The following ISM2 variants were observed in gnomAD, a reference collection of about 807,000 sequenced individuals.
ISM2 encodes isthmin 2.
In ISM2, 50 loss-of-function variants were observed where a neutral mutation model predicts 58.0. That is an observed-to-expected ratio of 0.86 (90% CI 0.69 to 1.09). The LOEUF is 1.09. ISM2 is among the 50% of genes least tolerant of loss of function. The pLI is 0.00. For missense variants in ISM2, 723 were observed against 745.0 expected, an observed-to-expected ratio of 0.97 and a Z score of 0.34; for synonymous variants, 303 against 312.4, an observed-to-expected ratio of 0.97 and a Z score of 0.32.
chr14:77,498,365 C>A (rs1169084371), intron 1 of ISM2: 1 of 1,394,346 alleles, frequency 7.2e-7, no homozygotes, highest in South Asian at 1.3e-5. Context: ...GGAAGCCCGG[C>A]CACCGTGGAG....
At chr14:77,497,094 G>A (rs939772086) in intron 1 of ISM2, among the ~76,000 whole-genome samples, 1 of 151,972 alleles carries the variant, frequency 6.6e-6, no homozygotes, top group Non-Finnish European at 1.5e-5. Context: ...GAATGGCTGG[G>A]TGCAGTGGCT....
chr14:77,475,242 C>T lies in ISM2; in HGVS notation c.*353G>A, dbSNP rs1033512307. 1 of 179,678 alleles carries T rather than the reference C, an allele frequency of 5.6e-6. No individual in the cohort carries two copies. The highest frequency in any genetic ancestry group is 1.1e-5 in the Non-Finnish European group (1 of 87,046). The allele number at this position is 179,678 out of a possible 1,614,324, so 11.1% of individuals were successfully genotyped here. On this transcript the variant is annotated 3_prime_UTR_variant, in exon 7 of 7. Transcript: ENST00000342219. The surrounding 1 kb of genome is among the most constrained non-coding windows in gnomAD (Gnocchi z 4.1). ...ATTTTTCTGGAGCTGCTGGCTAACA[C>T]TTATGTGCAGAGCCAGGGCAGAAGA...
intron 1 of ISM2, among the ~76,000 whole-genome samples, chr14:77,496,635 A>T (rs2079242794): frequency 6.7e-6 from 1 of 150,242 alleles, no homozygotes; most frequent in Admixed American, 6.6e-5. Context: ...TGTCTTGACT[A>T]AAAATACAAA....
At position 77,484,529 on chromosome 14, in the gene ISM2, C is replaced by T; in HGVS notation, c.421G>A (p.Glu141Lys). ...CTGGGGAGCAGTCGTGCCTCCTCCT[C>T]TTCCCTCAGAGGCCTAGGATCTGGG... is the stretch of plus-strand genomic sequence containing the variant. Reference protein sequence around the residue: ...ASPDPRPLREEEEARLLPRTH... With the variant: ...ASPDPRPLREKEEARLLPRTH... Residue 141 changes from glutamate (E) to lysine (K), a missense_variant, in exon 3 of 7, where the codon GAG becomes AAG. Coordinates refer to ENST00000342219, the MANE Select transcript of ISM2 (RefSeq NM_199296.3). 1 of 1,594,456 alleles carries T rather than the reference C, an allele frequency of 6.3e-7. No homozygotes were observed. The highest frequency in any genetic ancestry group is 8.5e-7 in the Non-Finnish European group (1 of 1,170,414).
At chr14:77,481,529 TGTAGTAAAGATTATACC>T (rs760660046) in intron 4 of ISM2, among the ~76,000 whole-genome samples, 109 of 152,266 alleles carry the variant, frequency 7.2e-4, no homozygotes, top group Non-Finnish European at 1.2e-3. Context: ...GCCAACTCCA[TGTAGTAAAGATTATACC>T]ATTCCCCATT....
intron 4 of ISM2, among the ~76,000 whole-genome samples, chr14:77,481,987 C>G (rs117614934): frequency 0.069 from 10,515 of 151,620 alleles, 544 homozygotes; most frequent in Admixed American, 0.16. Context: ...GTGGTTCCAG[C>G]TATTCGGAGG....
chr14:77,481,321 CAG>C (rs749408831), intron 4 of ISM2, among the ~76,000 whole-genome samples: 2 of 150,766 alleles, frequency 1.3e-5, no homozygotes, highest in Non-Finnish European at 3.0e-5. Flanking sequence ...GCCTGGGCAA[CAG>C]AGTGAGACTC....
chr14:77,475,906 G>A lies in ISM2; in HGVS notation c.1405C>T (p.Gln469Ter). The change falls in exon 7 of 7, where the codon CAG becomes TAG. Residue 469 changes from glutamine to a stop codon, truncating the protein, a stop_gained. Transcript: ENST00000342219. LOFTEE classifies it high-confidence loss of function. The surrounding 1 kb of genome is among the most constrained non-coding windows in gnomAD (Gnocchi z 4.1). ...SGPRERLDIYQPTARFCLRSM... is the reference protein window; with the variant it reads ...SGPRERLDIY ...CGCAGGCAGAAGCGCGCCGTGGGCT[G>A]GTAGATGTCCAGGCGCTCGCGAGGG... 2 of 1,602,272 alleles carry A rather than the reference G, an allele frequency of 1.2e-6. No individual in the cohort carries two copies. The highest frequency in any genetic ancestry group is 1.3e-5 in the African/African-American group (1 of 75,048).
chr14:77,476,768 G>C (rs751671388), intron 6 of ISM2, among the ~76,000 whole-genome samples: 1 of 152,192 alleles, frequency 6.6e-6, no homozygotes, highest in Non-Finnish European at 1.5e-5. Context: ...AGAGCTGGGG[G>C]GCCAGGCGCG....
chr14:77,487,168 T>A (rs977050628), intron 1 of ISM2, among the ~76,000 whole-genome samples: 4 of 151,508 alleles, frequency 2.6e-5, no homozygotes, highest in African/African-American at 7.3e-5. Context: ...TCGCTTGAAC[T>A]GAGGCAGCAG....
At position 77,475,525 on chromosome 14, in the gene ISM2, G is replaced by GGCCCTACCAGC; in HGVS notation, c.*69_*70insGCTGGTAGGGC. 6.7e-7 allele frequency: 1 copy of GGCCCTACCAGC among 1,499,798 alleles called. No individual in the cohort carries two copies. The highest frequency in any genetic ancestry group is 8.9e-7 in the Non-Finnish European group (1 of 1,121,850). The allele number at this position is 1,499,798 out of a possible 1,614,324, so 92.9% of individuals were successfully genotyped here. On this transcript the variant is annotated 3_prime_UTR_variant, in exon 7 of 7. Transcript: ENST00000342219. The surrounding 1 kb of genome is among the most constrained non-coding windows in gnomAD (Gnocchi z 4.1). Reference sequence around the variant, plus strand: ...CCCTGTCTGGGCAGGGGCGGGTGAGGAAAGTTCTCCCGTGCAACAGCAGCA... The same window carrying GGCCCTACCAGC: ...CCCTGTCTGGGCAGGGGCGGGTGAGGGCCCTACCAGCAAAGTTCTCCCGTGCAACAGCAGCA...
intron 1 of ISM2, among the ~76,000 whole-genome samples, chr14:77,495,025 G>C (rs1026419615): frequency 6.6e-6 from 1 of 151,792 alleles, no homozygotes; most frequent in Admixed American, 6.6e-5. Context: ...CTGAGACTAC[G>C]GGGGGCGCAC....
intron 1 of ISM2, among the ~76,000 whole-genome samples, chr14:77,491,691 CT>C (rs777579764): frequency 0.011 from 1,131 of 105,278 alleles, 7 homozygotes; most frequent in African/African-American, 0.036. Flanking sequence ...CGCGTCTGGT[CT>C]TTTTTTTTTT....
In ISM2 at chr14:77,475,082, G is replaced by A. The variant is rs1249458780; in HGVS notation, c.*513C>T. 6.9e-6 allele frequency: 1 copy of A among 144,616 alleles called. No homozygotes were observed. The highest frequency in any genetic ancestry group is 2.6e-5 in the African/African-American group (1 of 39,058). 9.0% of individuals were successfully genotyped at this position (144,616 alleles called of 1,614,324 possible). A position where few individuals can be genotyped will look rare whatever the true frequency, so the allele number is the denominator to read the frequency against. Reference sequence around the variant, plus strand: ...AAGAAGGGCATGTGCACCACCCAGAGATAAGGAGGGGTGGCCACCCAGGCT... The same window carrying A: ...AAGAAGGGCATGTGCACCACCCAGAAATAAGGAGGGGTGGCCACCCAGGCT... On this transcript the variant is annotated 3_prime_UTR_variant, in exon 7 of 7. Transcript: ENST00000342219. This position sits in a 1 kb window ranked among gnomAD's most constrained non-coding sequence, Gnocchi z 4.1.
In ISM2 at chr14:77,478,848, G is replaced by A. The variant is rs114718130; in HGVS notation, c.974-133C>T. ...GCTTCCAGCCTCATGAATGAAGCTG[G>A]GCTGGATTTCAGCTTCCACCTGCTC... On this transcript the variant is annotated intron_variant, in intron 4 of 6. Coordinates refer to ENST00000342219, the MANE Select transcript of ISM2 (RefSeq NM_199296.3). The A allele has an allele frequency of 2.2e-3, 1,978 of 904,434 alleles. 25 individuals are homozygous for A. In the African/African-American group the frequency reaches 0.029, roughly 13 times the overall value. The allele number at this position is 904,434 out of a possible 1,614,324, so 56.0% of individuals were successfully genotyped here.
rs373350890 is a variant in ISM2, at chr14:77,493,003, G to GA, written c.141+5649dup. 9.3e-3 allele frequency among the ~76,000 whole-genome samples: 1,368 copies of GA among 146,436 alleles called. 22 individuals are homozygous for GA. The highest frequency in any genetic ancestry group is 0.032 in the African/African-American group (1,262 of 40,014). ...AGAGCGAAACTTCATCTCAAAAAAAGAAAAAAAAAAGACAGGGTCTCATTC... is the reference window on the plus strand; with the variant it reads ...AGAGCGAAACTTCATCTCAAAAAAAGAAAAAAAAAAAGACAGGGTCTCATTC... On this transcript the variant is annotated intron_variant, in intron 1 of 6. Transcript: ENST00000342219.
At position 77,482,420 on chromosome 14, in the gene ISM2, T is replaced by C. The variant is rs1284504056; in HGVS notation, c.875A>G (p.Glu292Gly). The change falls in exon 4 of 7, where the codon GAG becomes GGG. Residue 292 changes from glutamate (E) to glycine (G), a missense_variant. By Grantham distance (98) the Glu-to-Gly change is moderately conservative. Transcript: ENST00000342219. ...GEDQEDKEED[E>G]EEQALWFNGT... is the part of the protein sequence containing the mutation. ...ATTGAACCAGAGCGCCTGCTCTTCC[T>C]CATCTTCCTCTTTGTCCTCTTGATC... 6.2e-7 allele frequency: 1 copy of C among 1,614,206 alleles called. No individual in the cohort carries two copies. Among genetic ancestry groups the C allele is most frequent in the Admixed American group, 1.7e-5 (1 of 60,020 alleles).
In ISM2 at chr14:77,489,694, G is replaced by C. The variant is rs529649188; in HGVS notation, c.142-4775C>G. Among the ~76,000 whole-genome samples the C allele has an allele frequency of 4.6e-5, 7 of 152,158 alleles. No homozygotes were observed. In the South Asian group the frequency reaches 1.5e-3, roughly 32 times the overall value. On this transcript the variant is annotated intron_variant, in intron 1 of 6. Transcript: ENST00000342219. ...AAGCCAACCCACCCTGGCACCCAGC[G>C]GAGGCTGCAAAGCTCCTCACTGTAA...
At position 77,478,233 on chromosome 14, in the gene ISM2, C is replaced by T. The variant is rs761669131; in HGVS notation, c.1198+9G>A. 2.5e-6 allele frequency: 4 copies of T among 1,613,274 alleles called. No homozygotes were observed. The South Asian group carries it at 4.4e-5, about 18-fold the overall frequency. ...AAACCACCAGGGGCAAGCCTAGCCC[C>T]TCACTCACCTTGATCATGCATGTCC... On this transcript the variant is annotated intron_variant, in intron 6 of 6. Coordinates refer to ENST00000342219, the MANE Select transcript of ISM2 (RefSeq NM_199296.3).
Sources: allele counts gnomAD v4.1 joint callset (sites outside exome capture counted in the v4.1 genomes callset), GRCh38; gene constraint gnomAD v4.1.1; non-coding constraint Gnocchi (gnomAD v3.1); transcripts MANE v1.5; gene names NCBI Gene and HGNC (gene_info 2026-07-23, HGNC 2026-07-21).